SLIT3: variants seen among roughly 807,000 people sequenced by gnomAD.
The protein encoded by SLIT3 is slit guidance ligand 3.
Under a neutral mutation model 184.0 loss-of-function variants are expected in SLIT3, and 68 were observed. That is an observed-to-expected ratio of 0.37 (90% confidence interval 0.30 to 0.45). SLIT3 has a LOEUF of 0.45. Ranked by LOEUF, SLIT3 falls within the 20% of genes least tolerant of loss-of-function variation. SLIT3 has a pLI of 1.00. For synonymous variants in SLIT3, 831 were observed against 828.6 expected, an observed-to-expected ratio of 1.00 and a Z score of -0.05; for missense variants, 1,707 against 2,026.0, an observed-to-expected ratio of 0.84 and a Z score of 3.02.
chr5:169,105,247 C>G lies in SLIT3; in HGVS notation c.413+88232G>C, dbSNP rs146621977. On this transcript the variant is annotated intron_variant, in intron 4 of 35. Transcript: ENST00000519560. ...GGGGGACGGCTTCCCTCTCCTTCCC[C>G]TGGAGACACATCATTTGGTTAAACC... Among the ~76,000 whole-genome samples the G allele has an allele frequency of 2.2e-3, 341 of 152,312 alleles. 2 individuals carry two copies. Among genetic ancestry groups the G allele is most frequent in the African/African-American group, 8.1e-3 (337 of 41,566 alleles).
chr5:168,899,914 T>C (rs887704009), intron 4 of SLIT3, among the ~76,000 whole-genome samples: 4 of 152,106 alleles, frequency 2.6e-5, no homozygotes, highest in African/African-American at 9.7e-5. Flanking sequence ...CTTTCACCAC[T>C]AACCCCCTCC....
At chr5:168,692,519 C>G in intron 29 of SLIT3, 88 bp downstream of exon 29, 1 of 784,432 alleles carries the variant, frequency 1.3e-6, no homozygotes, top group Non-Finnish European at 2.2e-6. Context: ...AGAGAGCATG[C>G]AGAGAGACCA....
chr5:169,257,703 C>T (rs935347166), intron 1 of SLIT3, among the ~76,000 whole-genome samples: 1 of 151,790 alleles, frequency 6.6e-6, no homozygotes, highest in East Asian at 1.9e-4. Context: ...CAGGTGCCTG[C>T]CACCACGCCT....
Position 168,755,915 on chromosome 5 carries a change from C to T in SLIT3, c.1686-1908G>A, listed in dbSNP as rs200257167. On this transcript the variant is annotated intron_variant, in intron 16 of 35. Coordinates refer to ENST00000519560, the MANE Select transcript of SLIT3 (RefSeq NM_003062.4). ...AGGGTTGCTGGGGGGCTTGTGTGGACCATCAAAATGCCTGGCCCTGGAAAG... is the reference window on the plus strand; with the variant it reads ...AGGGTTGCTGGGGGGCTTGTGTGGATCATCAAAATGCCTGGCCCTGGAAAG... Among the ~76,000 whole-genome samples the T allele has an allele frequency of 5.9e-5, 9 of 152,292 alleles. No individual in the cohort carries two copies. The East Asian group carries it at 1.7e-3, about 30-fold the overall frequency.
intron 4 of SLIT3, among the ~76,000 whole-genome samples, chr5:168,932,837 C>T (rs565891961): frequency 6.6e-5 from 10 of 152,350 alleles, no homozygotes; most frequent in South Asian, 2.1e-4. Context: ...ATTTGAGTAT[C>T]GCCCCACCTA....
intron 4 of SLIT3, among the ~76,000 whole-genome samples, chr5:169,133,255 C>T (rs1430853438): frequency 6.6e-6 from 1 of 152,248 alleles, no homozygotes; most frequent in Non-Finnish European, 1.5e-5. Flanking sequence ...ACGGCCCAGG[C>T]ACAAGCCTGC....
intron 4 of SLIT3, among the ~76,000 whole-genome samples, chr5:169,056,588 C>G (rs1218665101): frequency 6.7e-6 from 1 of 149,442 alleles, no homozygotes; most frequent in African/African-American, 2.5e-5. Flanking sequence ...TCATAGCTGG[C>G]GATCTCTTAA....
At chr5:168,808,492 G>T (rs185321023) in intron 8 of SLIT3, among the ~76,000 whole-genome samples, 1 of 152,324 alleles carries the variant, frequency 6.6e-6, no homozygotes, top group African/African-American at 2.4e-5. Context: ...TGAAGGCAAA[G>T]GTAGGTAATG....
intron 4 of SLIT3, among the ~76,000 whole-genome samples, chr5:168,897,646 G>GCGCGCGCGCGCGCGCGCGCACACACACA: frequency 1.9e-5 from 2 of 105,382 alleles, no homozygotes; most frequent in Non-Finnish European, 3.9e-5. Flanking sequence ...ACAGGTGCAC[G>GCGCGCGCGCGCGCGCGCGCACACACACA]TACACACACA....
chr5:169,083,346 G>C (rs929542079), intron 4 of SLIT3, among the ~76,000 whole-genome samples: 2 of 152,116 alleles, frequency 1.3e-5, no homozygotes, highest in African/African-American at 2.4e-5. Flanking sequence ...AAGCTTTACT[G>C]GTCTAACATC....
intron 4 of SLIT3, among the ~76,000 whole-genome samples, chr5:169,192,999 C>A (rs1763605785): frequency 6.6e-6 from 1 of 152,206 alleles, no homozygotes; most frequent in Non-Finnish European, 1.5e-5. Context: ...AAATCATAAA[C>A]CCCCAGACCC....
At chr5:169,199,091 C>T (rs925610635) in intron 3 of SLIT3, among the ~76,000 whole-genome samples, 3 of 151,940 alleles carry the variant, frequency 2.0e-5, no homozygotes, top group South Asian at 2.1e-4. Flanking sequence ...AGGTTGAAAT[C>T]GGAAGCAGGA....
rs578246153 is a variant in SLIT3, at chr5:168,904,728, A to T, written c.414-21392T>A. 6.6e-5 allele frequency among the ~76,000 whole-genome samples: 10 copies of T among 152,244 alleles called. No individual in the cohort carries two copies. In the East Asian group the frequency reaches 1.2e-3, roughly 18 times the overall value. On this transcript the variant is annotated intron_variant, in intron 4 of 35. Coordinates refer to ENST00000519560, the MANE Select transcript of SLIT3 (RefSeq NM_003062.4). ...TGTGTGTGCAATTAGAGAAACCCCAAACAAGAGGGATCAGGCCTCTGGTCT... is the reference window on the plus strand; with the variant it reads ...TGTGTGTGCAATTAGAGAAACCCCATACAAGAGGGATCAGGCCTCTGGTCT...
intron 4 of SLIT3, among the ~76,000 whole-genome samples, chr5:169,046,975 C>A (rs984679025): frequency 6.6e-6 from 1 of 151,956 alleles, no homozygotes; most frequent in African/African-American, 2.4e-5. Flanking sequence ...CTACTCTGGC[C>A]GCAGTAAAGA....
intron 31 of SLIT3, among the ~76,000 whole-genome samples, chr5:168,684,791 G>A (rs1178991306): frequency 6.6e-6 from 1 of 151,934 alleles, no homozygotes; most frequent in East Asian, 1.9e-4. Flanking sequence ...TAAAGAAAAT[G>A]CTAACAATGA....
chr5:169,016,902 G>T (rs551693411), intron 4 of SLIT3, among the ~76,000 whole-genome samples: 2 of 152,274 alleles, frequency 1.3e-5, no homozygotes, highest in Admixed American at 1.3e-4. Flanking sequence ...TGCTACTTGA[G>T]GGAGGAACAG....
At chr5:168,828,994 G>A (rs556692821) in intron 6 of SLIT3, among the ~76,000 whole-genome samples, 1 of 152,274 alleles carries the variant, frequency 6.6e-6, no homozygotes, top group Admixed American at 6.5e-5. Context: ...TGAAATCAAC[G>A]GAGGTGGCTG....
At chr5:169,071,297 T>A (rs1337622684) in intron 4 of SLIT3, among the ~76,000 whole-genome samples, 1 of 152,228 alleles carries the variant, frequency 6.6e-6, no homozygotes, top group Non-Finnish European at 1.5e-5. Flanking sequence ...TGCTTGTTTT[T>A]CTTCTTCTTT....
chr5:169,231,617 C>T (rs371271848), intron 3 of SLIT3, among the ~76,000 whole-genome samples: 8 of 152,184 alleles, frequency 5.3e-5, no homozygotes, highest in South Asian at 2.1e-4. Flanking sequence ...CTAATGTCAA[C>T]GAGTATTTGG....
Sources: allele counts gnomAD v4.1 joint callset (sites outside exome capture counted in the v4.1 genomes callset), GRCh38; gene constraint gnomAD v4.1.1; transcripts MANE v1.5; gene names NCBI Gene and HGNC (gene_info 2026-07-23, HGNC 2026-07-21).